Variants in RIGI observed in about 807,000 individuals in gnomAD.
RIGI encodes antiviral innate immune response receptor RIG-I.
At chr9:32,472,907 A>ATACG in the RIGI span, 1 of 995,966 alleles carries the variant, frequency 1.0e-6, no homozygotes, top group African/African-American at 1.7e-5. Context: ...ACACACACAT[A>ATACG]TACATACACA....
At chr9:32,512,768 G>A in the RIGI span, among the ~76,000 whole-genome samples, 1 of 152,156 alleles carries the variant, frequency 6.6e-6, no homozygotes, top group Non-Finnish European at 1.5e-5. Flanking sequence ...TAGGAAAACA[G>A]AAAGTCCAAT....
chr9:32,457,558 G>T, the RIGI span: 1 of 728,716 alleles, frequency 1.4e-6, no homozygotes, highest in Non-Finnish European at 2.1e-6. Context: ...TACAATTGGA[G>T]GAAAAAAAAA....
At chr9:32,504,959 ATATT>A in the RIGI span, among the ~76,000 whole-genome samples, 1 of 131,996 alleles carries the variant, frequency 7.6e-6, no homozygotes, top group Admixed American at 8.2e-5. Flanking sequence ...TATATATTAT[ATATT>A]TATTCTATAT....
At chr9:32,518,094 G>T in the RIGI span, among the ~76,000 whole-genome samples, 1 of 152,076 alleles carries the variant, frequency 6.6e-6, no homozygotes, top group South Asian at 2.1e-4. Flanking sequence ...CTAAGGATAA[G>T]AATTCTAGTT....
chr9:32,459,315 G>A, the RIGI span: 2 of 1,569,204 alleles, frequency 1.3e-6, no homozygotes, highest in Non-Finnish European at 1.7e-6. Context: ...TTCACCAACA[G>A]TAAGCTGTAG....
At chr9:32,464,388 CTTTT>C in the RIGI span, among the ~76,000 whole-genome samples, 1 of 151,872 alleles carries the variant, frequency 6.6e-6, no homozygotes, top group Non-Finnish European at 1.5e-5. Context: ...TTTACTAAGC[CTTTT>C]TTTGTTTGTT....
the RIGI span, chr9:32,487,449 C>T: frequency 1.2e-6 from 2 of 1,611,754 alleles, no homozygotes; most frequent in East Asian, 2.2e-5. Context: ...ATCTCAAAGG[C>T]TTGTTATTGG....
the RIGI span, among the ~76,000 whole-genome samples, chr9:32,460,360 G>A: frequency 2.9e-3 from 446 of 152,184 alleles, no homozygotes; most frequent in African/African-American, 9.3e-3. Context: ...TGTTGCATAT[G>A]TATAGTATGA....
chr9:32,484,784 G>A, the RIGI span, among the ~76,000 whole-genome samples: 4 of 152,178 alleles, frequency 2.6e-5, no homozygotes, highest in Admixed American at 6.5e-5. Context: ...ATCTCTAGTC[G>A]CACTCCTTTA....
chr9:32,521,307 CATAAA>C, the RIGI span, among the ~76,000 whole-genome samples: 1 of 151,868 alleles, frequency 6.6e-6, no homozygotes, highest in Non-Finnish European at 1.5e-5. Flanking sequence ...ATAATATTGA[CATAAA>C]ATATTTGTTT....
chr9:32,495,902 C>G, the RIGI span, among the ~76,000 whole-genome samples: 1 of 152,176 alleles, frequency 6.6e-6, no homozygotes, highest in Admixed American at 6.5e-5. Context: ...GGTGATCCAC[C>G]TGCCTCAGCC....
chr9:32,521,486 G>T, the RIGI span, among the ~76,000 whole-genome samples: 4 of 152,066 alleles, frequency 2.6e-5, no homozygotes, highest in African/African-American at 7.3e-5. Flanking sequence ...ATTTTGTAGC[G>T]ACCTGTGATC....
the RIGI span, among the ~76,000 whole-genome samples, chr9:32,460,090 C>G: frequency 2.0e-5 from 3 of 152,184 alleles, no homozygotes; most frequent in Non-Finnish European, 4.4e-5. Flanking sequence ...GTGATTGTGT[C>G]TCACAAGACC....
chr9:32,481,397 G>C, the RIGI span: 1 of 1,613,326 alleles, frequency 6.2e-7, no homozygotes, highest in Non-Finnish European at 8.5e-7. Context: ...CTTCATCTTT[G>C]TCTGGCATCT....
chr9:32,499,445 G>GTTTATTTA, the RIGI span, among the ~76,000 whole-genome samples: 24 of 150,510 alleles, frequency 1.6e-4, no homozygotes, highest in African/African-American at 4.9e-4. Flanking sequence ...TAAATACAGG[G>GTTTATTTA]TTTATTTATT....
chr9:32,500,040 T>C, the RIGI span, among the ~76,000 whole-genome samples: 2 of 152,264 alleles, frequency 1.3e-5, no homozygotes, highest in Non-Finnish European at 2.9e-5. Flanking sequence ...CATAAAGATA[T>C]GGTCCTAATT....
the RIGI span, among the ~76,000 whole-genome samples, chr9:32,463,216 A>G: frequency 6.6e-6 from 1 of 152,218 alleles, no homozygotes; most frequent in Admixed American, 6.5e-5. Context: ...TTATTTTTGT[A>G]AAAATAAAGG....
At chr9:32,467,039 G>C in the RIGI span, among the ~76,000 whole-genome samples, 1 of 152,200 alleles carries the variant, frequency 6.6e-6, no homozygotes, top group Admixed American at 6.5e-5. Flanking sequence ...ATGTTCAAAA[G>C]AGAGATTTTT....
At chr9:32,464,906 C>T in the RIGI span, among the ~76,000 whole-genome samples, 3 of 152,200 alleles carry the variant, frequency 2.0e-5, no homozygotes, top group African/African-American at 4.8e-5. Flanking sequence ...ATACTTAACC[C>T]ATTTCCTCCT....
Sources: gnomAD v4.1 joint callset for allele counts (sites outside exome capture counted in the v4.1 genomes callset) on GRCh38, gnomAD v4.1.1 for gene constraint, MANE v1.5 for transcripts, NCBI Gene and HGNC (gene_info 2026-07-23, HGNC 2026-07-21) for gene names.